Variants in CNKSR1 observed in about 807,000 individuals in gnomAD.
CNKSR1 encodes the protein connector enhancer of kinase suppressor of Ras 1, also known as CNK homolog protein 1.
CNKSR1 carries 88 observed loss-of-function variants against 95.6 expected under a neutral mutation model. The ratio of observed to expected loss-of-function variants is 0.92; its 90% CI spans 0.78 to 1.10. CNKSR1 has a LOEUF of 1.10. Among genes scored for constraint, CNKSR1 ranks in the 50% least tolerant of loss-of-function variants. CNKSR1 has a pLI of 0.00. For synonymous variants in CNKSR1, 355 were observed against 369.7 expected (o/e 0.96, Z 0.46); for missense variants, 836 against 912.0 (o/e 0.92, Z 1.07).
rs754519170 is a variant in CNKSR1, at chr1:26,177,529, G to T, written c.-19G>T. On this transcript the variant is annotated 5_prime_UTR_variant, in exon 1 of 21. Coordinates refer to ENST00000361530, the MANE Select transcript of CNKSR1 (RefSeq NM_006314.3). Reference sequence around the variant, plus strand: ...AGCAGGGCAAAACAGGAGCTGATTCGAGCTGGCAGAGCTGGGCCATGGAAC... The same window carrying T: ...AGCAGGGCAAAACAGGAGCTGATTCTAGCTGGCAGAGCTGGGCCATGGAAC... The T allele has an allele frequency of 1.2e-6, 2 of 1,613,840 alleles. No individual in the cohort carries two copies. Among genetic ancestry groups the T allele is most frequent in the East Asian group, 4.5e-5 (2 of 44,896 alleles).
intron 13 of CNKSR1, 132 bp downstream of exon 13, chr1:26,184,744 G>C (rs2088717631): frequency 2.8e-5 from 32 of 1,161,938 alleles, no homozygotes; most frequent in Non-Finnish European, 3.6e-5. Flanking sequence ...TCTAGGGTCA[G>C]ACAGAGCTGT....
rs767002209 is a variant in CNKSR1 at position 26,184,587 on chromosome 1, T to C, written c.1110T>C (p.Ser370=). The C allele has an allele frequency of 1.2e-5, 20 of 1,607,446 alleles. No homozygotes were observed. In the African/African-American group the frequency reaches 2.1e-4, roughly 17 times the overall value. Residue 370 remains serine, a splice_region_variant and synonymous_variant, in exon 13 of 21, where the codon AGT becomes AGC. Transcript: ENST00000361530. The part of the protein sequence containing the change: ...TPGLPESPDK[S]PVGRKKSKGL... Reference sequence around the variant, plus strand: ...TCACCCTTCTGCTGTCCTTTCAGAGTCCTGTTGGTCGGAAGAAATCAAAAG... The same window carrying C: ...TCACCCTTCTGCTGTCCTTTCAGAGCCCTGTTGGTCGGAAGAAATCAAAAG...
chr1:26,183,530 G>A (rs1411639193), intron 8 of CNKSR1, 116 bp downstream of exon 8: 2 of 1,197,266 alleles, frequency 1.7e-6, no homozygotes, highest in Non-Finnish European at 2.5e-6. Context: ...TGCCTTCCAG[G>A]AGATGAGCCA....
intron 1 of CNKSR1, among the ~76,000 whole-genome samples, chr1:26,178,429 G>T (rs147429499): frequency 1.5e-3 from 236 of 152,294 alleles, no homozygotes; most frequent in African/African-American, 5.4e-3. Flanking sequence ...CTATCCAAGG[G>T]GCAAGGTGCT....
chr1:26,184,002 T>A, intron 9 of CNKSR1, 69 bp from the exon 10 acceptor site: 7 of 830,774 alleles, frequency 8.4e-6, no homozygotes, highest in Non-Finnish European at 1.4e-5. Context: ...GCTGCTCCCC[T>A]ACCCCTGTTG....
chr1:26,189,714 C>T lies in CNKSR1; in HGVS notation c.*166C>T, dbSNP rs1417300291. On this transcript the variant is annotated 3_prime_UTR_variant, in exon 21 of 21. Transcript: ENST00000361530. ...ACCCCTCTGCCTGGGCTTTGTGCCA[C>T]CCTCTCCCTTGCCAAAGAAGAAACT... 3 of 728,476 alleles carry T rather than the reference C, an allele frequency of 4.1e-6. No individual in the cohort carries two copies. The highest frequency in any genetic ancestry group is 2.6e-5 in the East Asian group (1 of 39,080). 45.1% of individuals were successfully genotyped at this position (728,476 alleles called of 1,614,324 possible). A position where few individuals can be genotyped will look rare whatever the true frequency, so the allele number is the denominator to read the frequency against.
At chr1:26,182,428 TG>T in intron 5 of CNKSR1, 26 bp downstream of exon 5, 1 of 1,611,666 alleles carries the variant, frequency 6.2e-7, no homozygotes, top group Middle Eastern at 1.7e-4. Context: ...GGGAAGAGAG[TG>T]GGGGTAGGGG....
chr1:26,179,104 T>C (rs1259690038), intron 1 of CNKSR1, among the ~76,000 whole-genome samples: 4 of 152,280 alleles, frequency 2.6e-5, no homozygotes, highest in African/African-American at 9.6e-5. Flanking sequence ...AAAGCTCTTA[T>C]AGATTTGCAT....
chr1:26,181,952 C>T lies in CNKSR1; in HGVS notation c.477+11C>T, dbSNP rs761165134. On this transcript the variant is annotated intron_variant, in intron 4 of 20. Coordinates refer to ENST00000361530, the MANE Select transcript of CNKSR1 (RefSeq NM_006314.3). ...CAGGTCTTGCATGAGGTAGGAGAACCAAGGGCCAGGCTTGGCCCATGCCCT... is the reference window on the plus strand; with the variant it reads ...CAGGTCTTGCATGAGGTAGGAGAACTAAGGGCCAGGCTTGGCCCATGCCCT... 1 of 1,613,304 alleles carries T rather than the reference C, an allele frequency of 6.2e-7. No individual in the cohort carries two copies. The highest frequency in any genetic ancestry group is 1.1e-5 in the South Asian group (1 of 91,050).
chr1:26,186,414 C>T (rs1359408106), intron 14 of CNKSR1, among the ~76,000 whole-genome samples: 1 of 152,170 alleles, frequency 6.6e-6, no homozygotes, highest in Non-Finnish European at 1.5e-5. Flanking sequence ...GATCCTCCTG[C>T]CTCAGCCTCC....
chr1:26,182,235 G>C (rs2088658853), intron 4 of CNKSR1, 126 bp from the exon 5 acceptor site: 1 of 996,080 alleles, frequency 1.0e-6, no homozygotes, highest in Non-Finnish European at 1.5e-6. Context: ...CTGTGGTTCT[G>C]GGCAGGGGGC....
chr1:26,180,921 A>AG, intron 3 of CNKSR1, 25 bp downstream of exon 3: 1 of 1,613,848 alleles, frequency 6.2e-7, no homozygotes, highest in Non-Finnish European at 8.5e-7. Flanking sequence ...GTGACGAGTG[A>AG]GGGACTATTG....
At chr1:26,184,832 T>C (rs1310933526) in intron 13 of CNKSR1, among the ~76,000 whole-genome samples, 182 bp from the exon 14 acceptor site, 1 of 151,870 alleles carries the variant, frequency 6.6e-6, no homozygotes, top group African/African-American at 2.4e-5. Context: ...GCCTCTAGTC[T>C]TCAGTTTGCT....
rs894800673 is a variant in CNKSR1, at chr1:26,183,324, C to T, written c.685-22C>T. The T allele has an allele frequency of 4.3e-6, 7 of 1,614,104 alleles. No homozygotes were observed. The African/African-American group carries it at 8.0e-5, about 18-fold the overall frequency. On this transcript the variant is annotated intron_variant, in intron 7 of 20. Transcript: ENST00000361530. The stretch of plus-strand genomic sequence containing the variant: ...TCTCACCTGCAAGCCAGGCCAACCT[C>T]AGGCCCCATTCCCCACGTCAGGTTC...
chr1:26,184,099 A>C lies in CNKSR1; in HGVS notation c.884A>C (p.His295Pro). 6.2e-7 allele frequency: 1 copy of C among 1,604,548 alleles called. No individual in the cohort carries two copies. ...CCCCCTCAGGTCCTGGACTCCCCGC[A>C]CCAGAGGAGCCCATCACTGTCTCTG... ...QTPPQVLDSP[H>P]QRSPSLSLAP... Residue 295 changes from histidine to proline, a missense_variant, in exon 10 of 21, where the codon CAC becomes CCC. His to Pro is a moderately conservative substitution (Grantham distance 77, BLOSUM62 -2). Coordinates refer to ENST00000361530, the MANE Select transcript of CNKSR1 (RefSeq NM_006314.3).
At chr1:26,180,116 G>GA in intron 1 of CNKSR1, 1 of 368,258 alleles carries the variant, frequency 2.7e-6, no homozygotes, top group South Asian at 2.4e-5. Flanking sequence ...GTCTCAAAAA[G>GA]AAAAAACAAA....
At chr1:26,179,876 C>A (rs2088617307) in intron 1 of CNKSR1, among the ~76,000 whole-genome samples, 1 of 152,108 alleles carries the variant, frequency 6.6e-6, no homozygotes, top group South Asian at 2.1e-4. Flanking sequence ...TGGCTCACAC[C>A]TGTAATTCTA....
At chr1:26,182,927 G>A (rs1482996884) in intron 6 of CNKSR1, among the ~76,000 whole-genome samples, 1 of 152,106 alleles carries the variant, frequency 6.6e-6, no homozygotes, top group Admixed American at 6.5e-5. Flanking sequence ...TCCCTGCCCT[G>A]TCCCTGCTTG....
rs374958689 is a variant in CNKSR1 at position 26,177,693 on chromosome 1, G to A, written c.52+94G>A. 7,151 of 1,455,596 alleles carry A rather than the reference G, an allele frequency of 4.9e-3. 31 individuals carry two copies. Among genetic ancestry groups the A allele is most frequent in the Non-Finnish European group, 5.1e-3 (5,364 of 1,053,582 alleles). 90.2% of individuals were successfully genotyped at this position (1,455,596 alleles called of 1,614,324 possible). ...GAGAGGAAAAGGAAAAAAAATCTGC[G>A]GACTGGGTGCGCTGGTTCACACCTG... On this transcript the variant is annotated intron_variant, in intron 1 of 20. Transcript: ENST00000361530.
Sources: gnomAD v4.1 joint callset for allele counts (sites outside exome capture counted in the v4.1 genomes callset) on GRCh38, gnomAD v4.1.1 for gene constraint, MANE v1.5 for transcripts, NCBI Gene and HGNC (gene_info 2026-07-23, HGNC 2026-07-21) for gene names.